IFT80: variants seen among roughly 807,000 people sequenced by gnomAD.
The protein encoded by IFT80 is intraflagellar transport protein 80 homolog.
In IFT80, 79 loss-of-function variants were observed where a neutral mutation model predicts 107.9. The observed-to-expected ratio is 0.73, with a 90% CI of 0.61 to 0.88. The LOEUF (loss-of-function observed/expected upper bound fraction) is 0.88, where lower values mean the gene tolerates loss of function less well. Ranked by LOEUF, IFT80 falls within the 40% of genes least tolerant of loss-of-function variation. IFT80 has a pLI of 0.00. For missense variants in IFT80, 797 were observed against 914.2 expected, an observed-to-expected ratio of 0.87 and a Z score of 1.65; for synonymous variants, 299 against 300.9, an observed-to-expected ratio of 0.99 and a Z score of 0.07.
chr3:160,327,192 A>C (rs1718733792), intron 8 of IFT80, among the ~76,000 whole-genome samples: 1 of 152,220 alleles, frequency 6.6e-6, no homozygotes, highest in Middle Eastern at 3.2e-3. Context: ...AAACAAATGG[A>C]AAAACATTCC....
Position 160,261,263 on chromosome 3 carries a change from CCTTAT to C in IFT80, c.2224-2633_2224-2629del, listed in dbSNP as rs1712802383. ...AAAACCACCTTCGGCTGTTTTCAGT[CCTTAT>C]CTTATATACCTTCTCTGTATGATTC... On this transcript the variant is annotated intron_variant, in intron 19 of 19. Coordinates refer to ENST00000326448, the MANE Select transcript of IFT80 (RefSeq NM_020800.3). Among the ~76,000 whole-genome samples the C allele has an allele frequency of 3.9e-5, 6 of 152,008 alleles. No individual in the cohort carries two copies. In the South Asian group the frequency reaches 1.0e-3, roughly 26 times the overall value.
intron 8 of IFT80, among the ~76,000 whole-genome samples, chr3:160,333,330 A>G (rs1358192426): frequency 6.6e-6 from 1 of 152,186 alleles, no homozygotes; most frequent in African/African-American, 2.4e-5. Context: ...TTAGGCTACT[A>G]AAGTTATTAA....
chr3:160,284,503 A>G (rs553001172), intron 13 of IFT80, among the ~76,000 whole-genome samples: 1 of 152,308 alleles, frequency 6.6e-6, no homozygotes, highest in East Asian at 1.9e-4. Flanking sequence ...GTAAACTCAT[A>G]CACTCTCTTT....
At chr3:160,262,856 G>A (rs1712968226) in intron 19 of IFT80, among the ~76,000 whole-genome samples, 1 of 152,098 alleles carries the variant, frequency 6.6e-6, no homozygotes, top group Non-Finnish European at 1.5e-5. Flanking sequence ...ATATTCACCA[G>A]GGTCCAACCA....
At position 160,329,079 on chromosome 3, in the gene IFT80, A is replaced by G. The variant is rs765073353; in HGVS notation, c.778-9140T>C. 2.0e-5 allele frequency among the ~76,000 whole-genome samples: 3 copies of G among 152,148 alleles called. No homozygotes were observed. The South Asian group carries it at 6.2e-4, about 32-fold the overall frequency. ...ATACCTGGGTGATGAAATAATCTGT[A>G]CAACAAACTCCTATGACACACATGT... On this transcript the variant is annotated intron_variant, in intron 8 of 19. Transcript: ENST00000326448.
chr3:160,397,363 C>T (rs1713857657), intron 1 of IFT80, among the ~76,000 whole-genome samples: 1 of 152,198 alleles, frequency 6.6e-6, no homozygotes, highest in Non-Finnish European at 1.5e-5. Flanking sequence ...GCTGTTTCCT[C>T]CATATCATAT....
At position 160,384,649 on chromosome 3, in the gene IFT80, G is replaced by A. The variant is rs372416663; in HGVS notation, c.-46-3C>T. ...AAGATGCCACTTGATTGTATTTACT[G>A]TAAAAATAAAAGGAGAGAAAATATA... is the stretch of plus-strand genomic sequence containing the variant. On this transcript the variant is annotated splice_polypyrimidine_tract_variant and splice_region_variant and intron_variant, in intron 1 of 19. Coordinates refer to ENST00000326448, the MANE Select transcript of IFT80 (RefSeq NM_020800.3). 2.0e-5 allele frequency: 32 copies of A among 1,582,412 alleles called. No individual in the cohort carries two copies. The highest frequency in any genetic ancestry group is 2.4e-5 in the Non-Finnish European group (28 of 1,154,018).
chr3:160,343,795 T>C, intron 8 of IFT80: 1 of 341,234 alleles, frequency 2.9e-6, no homozygotes, highest in Admixed American at 3.6e-5. Flanking sequence ...GTTTATAGTC[T>C]TTCATCTGAT....
intron 15 of IFT80, 58 bp from the exon 16 acceptor site, chr3:160,279,422 T>C: frequency 7.0e-7 from 1 of 1,436,530 alleles, no homozygotes; most frequent in East Asian, 2.3e-5. Flanking sequence ...AAATTTTTCA[T>C]GTATATTAAA....
chr3:160,295,645 A>G (rs750576244), intron 12 of IFT80, among the ~76,000 whole-genome samples: 7 of 152,102 alleles, frequency 4.6e-5, no homozygotes, highest in Non-Finnish European at 1.0e-4. Context: ...CCCACATCTG[A>G]GTGTTTATCT....
chr3:160,315,391 T>C, intron 9 of IFT80, among the ~76,000 whole-genome samples: 1 of 152,152 alleles, frequency 6.6e-6, no homozygotes, highest in East Asian at 1.9e-4. Flanking sequence ...CAGAACTCTG[T>C]TTTAGGGTAA....
chr3:160,398,594 A>C (rs991514661), intron 1 of IFT80, among the ~76,000 whole-genome samples: 13 of 152,350 alleles, frequency 8.5e-5, no homozygotes, highest in South Asian at 6.2e-4. Flanking sequence ...ATACAATGTC[A>C]GGCGAGTTAT....
intron 13 of IFT80, among the ~76,000 whole-genome samples, chr3:160,284,990 T>C (rs1159361782): frequency 6.6e-6 from 1 of 152,152 alleles, no homozygotes; most frequent in African/African-American, 2.4e-5. Flanking sequence ...ACTAACACTG[T>C]ATACTTTTTA....
rs1421088684 is a variant in IFT80, at chr3:160,268,704, C to T, written c.2100-168G>A. The T allele has an allele frequency of 9.6e-6, 6 of 625,862 alleles. No homozygotes were observed. The East Asian group carries it at 1.7e-4, about 18-fold the overall frequency. 38.8% of individuals were successfully genotyped at this position (625,862 alleles called of 1,614,324 possible). A position where few individuals can be genotyped will look rare whatever the true frequency, so the allele number is the denominator to read the frequency against. On this transcript the variant is annotated intron_variant, in intron 18 of 19. Coordinates refer to ENST00000326448, the MANE Select transcript of IFT80 (RefSeq NM_020800.3). ...CTTGCAAATTCCTACTTATATACTT[C>T]AGGGCCCAGATCAAACATGGCCTCT...
chr3:160,268,478 G>C lies in IFT80; in HGVS notation c.2158C>G (p.Gln720Glu). ...THVDTVLAYR[Q>E]KFLETFGKQE... ...TTACCAAATGTCTCCAAAAACTTTT[G>C]ACGGTAAGCAAGAACTGTATCAACA... The change falls in exon 19 of 20, where the codon CAA (glutamine) becomes GAA (glutamate). Residue 720 changes from glutamine to glutamate, a missense_variant. Transcript: ENST00000326448. 6.2e-7 allele frequency: 1 copy of C among 1,613,266 alleles called. No homozygotes were observed. The highest frequency in any genetic ancestry group is 1.1e-5 in the South Asian group (1 of 91,054).
intron 19 of IFT80, 59 bp downstream of exon 19, chr3:160,268,354 G>A: frequency 7.1e-7 from 1 of 1,418,242 alleles, no homozygotes; most frequent in Admixed American, 1.8e-5. Flanking sequence ...TCATTAGGAT[G>A]AATATGACAT....
chr3:160,350,993 CT>C lies in IFT80; in HGVS notation c.777+5019del, dbSNP rs1251468095. On this transcript the variant is annotated intron_variant, in intron 8 of 19. Transcript: ENST00000326448. ...AATAAAGGATAAAGCTATTTTTTCC[CT>C]TTTCAAAACCTGTACATTTTATTTG... Among the ~76,000 whole-genome samples the C allele has an allele frequency of 3.3e-5, 5 of 151,854 alleles. No individual in the cohort carries two copies. In the East Asian group the frequency reaches 5.8e-4, roughly 18 times the overall value.
chr3:160,391,719 G>A (rs973380375), intron 1 of IFT80: 7 of 152,058 alleles, frequency 4.6e-5, no homozygotes, highest in Admixed American at 1.3e-4. Flanking sequence ...ATAAAAACTC[G>A]GAAGAGTGAC....
chr3:160,358,521 C>G (rs1721266676), intron 6 of IFT80, among the ~76,000 whole-genome samples: 1 of 151,998 alleles, frequency 6.6e-6, no homozygotes, highest in African/African-American at 2.4e-5. Context: ...TACATTCATT[C>G]TTTGGTATAC....
Sources: gnomAD v4.1 joint callset for allele counts (sites outside exome capture counted in the v4.1 genomes callset) on GRCh38, gnomAD v4.1.1 for gene constraint, MANE v1.5 for transcripts, NCBI Gene and HGNC (gene_info 2026-07-23, HGNC 2026-07-21) for gene names.